Variants in DMD observed in about 807,000 individuals in gnomAD.
DMD encodes dystrophin.
In DMD, 63 loss-of-function variants were observed where a neutral mutation model predicts 330.1. The ratio of observed to expected loss-of-function variants is 0.19; its 90% confidence interval spans 0.16 to 0.24. DMD has a LOEUF of 0.24. Ranked by LOEUF, DMD falls within the 10% of genes least tolerant of loss-of-function variation. The probability of loss-of-function intolerance (pLI) is 1.00; values close to 1 mark genes in which losing one functional copy is unlikely to be tolerated. For synonymous variants in DMD, 1,223 were observed against 959.8 expected, an observed-to-expected ratio of 1.27 and a Z score of -5.07; for missense variants, 3,344 against 2,684.1, an observed-to-expected ratio of 1.25 and a Z score of -5.43.
chrX:32,637,704 G>A (rs2059193191), intron 11 of DMD, among the ~76,000 whole-genome samples: 1 of 111,470 alleles, frequency 9.0e-6, no homozygotes, highest in Admixed American at 9.5e-5. Flanking sequence ...TTCTTCACAT[G>A]GCAGCAGGAA....
intron 2 of DMD, among the ~76,000 whole-genome samples, chrX:32,951,552 T>G (rs2091249269): frequency 9.0e-6 from 1 of 111,394 alleles, no homozygotes; most frequent in African/African-American, 3.3e-5. Flanking sequence ...TCTGTTGAGA[T>G]GAATTACTTG....
chrX:31,919,860 A>C (rs1356039505), intron 47 of DMD, among the ~76,000 whole-genome samples: 2 of 112,346 alleles, frequency 1.8e-5, no homozygotes, highest in African/African-American at 6.5e-5. Flanking sequence ...TGATTTTGGC[A>C]TCCAGCTTAC....
intron 42 of DMD, among the ~76,000 whole-genome samples, chrX:32,305,043 T>G (rs1722022564): frequency 9.0e-6 from 1 of 111,722 alleles, no homozygotes; most frequent in African/African-American, 3.2e-5. Flanking sequence ...ACAATATGCA[T>G]ATAAACAATG....
intron 51 of DMD, among the ~76,000 whole-genome samples, chrX:31,748,779 T>A (rs2149107551): frequency 8.9e-6 from 1 of 111,856 alleles, no homozygotes; most frequent in Admixed American, 9.5e-5. Context: ...GGTTCTGTAC[T>A]TACACCCTTT....
chrX:32,346,959 A>T (rs1254891964), intron 38 of DMD, among the ~76,000 whole-genome samples: 2 of 111,663 alleles, frequency 1.8e-5, no homozygotes, highest in African/African-American at 6.5e-5. Flanking sequence ...CTCAAGGTAC[A>T]CTGATGACAT....
At chrX:32,539,975 T>TA (rs1221815384) in intron 17 of DMD, among the ~76,000 whole-genome samples, 1 of 111,933 alleles carries the variant, frequency 8.9e-6, no homozygotes, top group Non-Finnish European at 1.9e-5. Context: ...AGGACAAAGA[T>TA]ATTCATTTAT....
intron 21 of DMD, among the ~76,000 whole-genome samples, 192 bp from the exon 22 acceptor site, chrX:32,472,501 C>T (rs982551862): frequency 3.6e-5 from 4 of 111,503 alleles, no homozygotes; most frequent in African/African-American, 1.3e-4. Flanking sequence ...AGGGACCTTA[C>T]ACATATTACA....
rs1384896167 is a variant in DMD, at chrX:32,487,148, T to G, written c.2623-2049A>C. Reference sequence around the variant, plus strand: ...GAATCTACAACGAACTCAAAAAAATTTACAAGAAAAAAACAAACAACCCCA... The same window carrying G: ...GAATCTACAACGAACTCAAAAAAATGTACAAGAAAAAAACAAACAACCCCA... On this transcript the variant is annotated intron_variant, in intron 20 of 78. Coordinates refer to ENST00000357033, the MANE Select transcript of DMD (RefSeq NM_004006.3). 3.6e-5 allele frequency among the ~76,000 whole-genome samples: 4 copies of G among 111,384 alleles called. No individual in the cohort carries two copies. The East Asian group carries it at 8.5e-4, about 24-fold the overall frequency.
At chrX:31,880,528 G>A (rs900512308) in intron 47 of DMD, among the ~76,000 whole-genome samples, 1 of 112,253 alleles carries the variant, frequency 8.9e-6, no homozygotes, top group Non-Finnish European at 1.9e-5. Context: ...TCAATGAAAT[G>A]CAAAGGAAAA....
intron 30 of DMD, among the ~76,000 whole-genome samples, chrX:32,404,378 A>G (rs1021702842): frequency 2.7e-5 from 3 of 111,450 alleles, no homozygotes; most frequent in Non-Finnish European, 5.7e-5. Context: ...ATATTTAATT[A>G]TGAGGCACTC....
intron 52 of DMD, among the ~76,000 whole-genome samples, chrX:31,685,353 T>C (rs1260836999): frequency 8.9e-6 from 1 of 111,886 alleles, no homozygotes; most frequent in African/African-American, 3.2e-5. Flanking sequence ...GTTACATCCA[T>C]GGTTTAAAAT....
chrX:33,008,949 T>TACGTATATATACATGTATATATACAC (rs1446455522), intron 2 of DMD, among the ~76,000 whole-genome samples: 1 of 97,674 alleles, frequency 1.0e-5, no homozygotes, highest in Non-Finnish European at 2.1e-5. Context: ...CACGTATATA[T>TACGTATATATACATGTATATATACAC]ACGTATATAT....
chrX:33,004,481 C>T (rs73188262), intron 2 of DMD, among the ~76,000 whole-genome samples: 12,057 of 111,189 alleles, frequency 0.11, 1,281 homozygotes, highest in African/African-American at 0.33. Context: ...TTACAAAACA[C>T]ATTTTAACAA....
rs200138464 is a variant in DMD at position 31,147,537 on chromosome X, TAAAAAAGAAA to T, written c.10554-29_10554-20del. 2.1e-4 allele frequency: 216 copies of T among 1,005,912 alleles called. 2 individuals are homozygous for T. The East Asian group carries it at 3.9e-3, about 18-fold the overall frequency. The allele number at this position is 1,005,912 out of a possible 1,213,427, so 82.9% of individuals were successfully genotyped here. A position where few individuals can be genotyped will look rare whatever the true frequency, so the allele number is the denominator to read the frequency against. ...CAGATTCCTATTGGCATCAAAAAAG[TAAAAAAGAAA>T]AAAAAAGAAAGAAAAAGAAAAAGAA... On this transcript the variant is annotated intron_variant, in intron 74 of 78. Transcript: ENST00000357033.
chrX:31,766,046 A>C (rs1378579377), intron 51 of DMD, among the ~76,000 whole-genome samples: 2 of 111,532 alleles, frequency 1.8e-5, no homozygotes, highest in African/African-American at 6.5e-5. Context: ...GTTATGGTGA[A>C]ATGGAAAGCC....
intron 7 of DMD, among the ~76,000 whole-genome samples, chrX:32,790,858 C>A (rs1485645349): frequency 9.0e-6 from 1 of 111,555 alleles, no homozygotes; most frequent in African/African-American, 3.3e-5. Context: ...GTGTAGCCAA[C>A]ACTGCCTTCC....
intron 53 of DMD, among the ~76,000 whole-genome samples, 155 bp downstream of exon 53, chrX:31,679,220 A>G (rs1396448714): frequency 8.9e-6 from 1 of 112,045 alleles, no homozygotes; most frequent in Non-Finnish European, 1.9e-5. Flanking sequence ...CTCTGTCTCT[A>G]AGAAAATAAA....
intron 44 of DMD, among the ~76,000 whole-genome samples, chrX:32,124,950 T>C (rs1278440629): frequency 9.9e-6 from 1 of 101,233 alleles, no homozygotes; most frequent in African/African-American, 3.6e-5. Flanking sequence ...TACAGCACTG[T>C]AGTTAGAGAA....
intron 43 of DMD, among the ~76,000 whole-genome samples, chrX:32,217,841 C>T (rs1472358017): frequency 9.0e-6 from 1 of 111,681 alleles, no homozygotes; most frequent in African/African-American, 3.2e-5. Flanking sequence ...TCGTCACTAT[C>T]ATTAAAGATT....
Sources: gnomAD v4.1 joint callset for allele counts (sites outside exome capture counted in the v4.1 genomes callset) on GRCh38, gnomAD v4.1.1 for gene constraint, MANE v1.5 for transcripts, NCBI Gene and HGNC (gene_info 2026-07-23, HGNC 2026-07-21) for gene names.